Variants in POM121C observed in about 807,000 individuals in gnomAD.
POM121C encodes POM121 transmembrane nucleoporin C.
POM121C carries 20 observed loss-of-function variants against 66.4 expected under a neutral mutation model. That is an observed-to-expected ratio of 0.30 (90% CI 0.21 to 0.44). The LOEUF (loss-of-function observed/expected upper bound fraction) is 0.44, where lower values mean the gene tolerates loss of function less well. POM121C is among the 20% of genes least tolerant of loss of function. POM121C has a pLI of 1.00. For missense variants in POM121C, 580 were observed against 1,225.7 expected, an observed-to-expected ratio of 0.47 and a Z score of 7.87; for synonymous variants, 286 against 528.0, an observed-to-expected ratio of 0.54 and a Z score of 6.28.
chr7:75,479,866 AGT>A (rs1297211254), intron 1 of POM121C, among the ~76,000 whole-genome samples: 10 of 152,190 alleles, frequency 6.6e-5, no homozygotes, highest in Non-Finnish European at 1.2e-4. Context: ...ATAACAAAAC[AGT>A]GTGATAGCTA....
In POM121C at chr7:75,437,656, A is replaced by G; in HGVS notation, c.339T>C (p.Ser113=). 10 of 1,612,876 alleles carry G rather than the reference A, an allele frequency of 6.2e-6. No individual in the cohort carries two copies. The highest frequency in any genetic ancestry group is 8.5e-6 in the Non-Finnish European group (10 of 1,179,218). Residue 113 remains serine (S), a synonymous_variant, in exon 7 of 15, where the codon TCT becomes TCC. Coordinates refer to ENST00000615331, the MANE Select transcript of POM121C (RefSeq NM_001099415.3). ...KPGSLKRGLN[S]QSSDDHLNKR... The stretch of plus-strand genomic sequence containing the variant: ...TATTCAAGTGGTCATCTGAGCTCTG[A>G]GAATTGAGGCCTCTCTTCAGAGACC...
At chr7:75,419,767 G>A (rs1314644597) in intron 13 of POM121C, 1 of 326,658 alleles carries the variant, frequency 3.1e-6, no homozygotes, top group African/African-American at 2.2e-5. Context: ...TACCTGGGTT[G>A]GCTACCTCCT....
At chr7:75,479,304 C>T (rs1188442294) in intron 1 of POM121C, among the ~76,000 whole-genome samples, 1 of 152,098 alleles carries the variant, frequency 6.6e-6, no homozygotes, top group African/African-American at 2.4e-5. Flanking sequence ...TATTTTCTCT[C>T]ATTACTTAAA....
intron 3 of POM121C, among the ~76,000 whole-genome samples, chr7:75,451,260 A>G (rs1791012045): frequency 6.6e-6 from 1 of 151,388 alleles, no homozygotes; most frequent in African/African-American, 2.4e-5. Flanking sequence ...GCATAACGCT[A>G]CCTGACTTCA....
intron 1 of POM121C, among the ~76,000 whole-genome samples, chr7:75,477,431 A>C (rs1393841861): frequency 1.3e-5 from 2 of 152,048 alleles, no homozygotes; most frequent in African/African-American, 2.4e-5. Flanking sequence ...AAAAATCCAA[A>C]AACAACAACA....
intron 3 of POM121C, among the ~76,000 whole-genome samples, chr7:75,452,232 C>T (rs1339965499): frequency 1.2e-4 from 18 of 151,204 alleles, no homozygotes; most frequent in East Asian, 3.9e-4. Context: ...CCAAGGCAGG[C>T]GGATCACCTG....
chr7:75,448,365 T>C (rs1315363281), intron 3 of POM121C, among the ~76,000 whole-genome samples: 10 of 152,172 alleles, frequency 6.6e-5, no homozygotes, highest in African/African-American at 2.2e-4. Context: ...ATGAAAGGCA[T>C]TGAAAATGGT....
At chr7:75,437,954 C>T (rs879977061) in intron 6 of POM121C, among the ~76,000 whole-genome samples, 2 of 152,004 alleles carry the variant, frequency 1.3e-5, no homozygotes, top group African/African-American at 4.8e-5. Flanking sequence ...CCTGGGGACA[C>T]GGGTGGAACT....
intron 13 of POM121C, chr7:75,421,160 G>A (rs1488307006): frequency 7.1e-6 from 3 of 420,808 alleles, no homozygotes; most frequent in Non-Finnish European, 1.2e-5. Context: ...ATTTTTAGTA[G>A]AGACAGGGTT....
chr7:75,419,701 G>A (rs1450506692), intron 13 of POM121C: 31 of 491,054 alleles, frequency 6.3e-5, no homozygotes, highest in Non-Finnish European at 1.0e-4. Flanking sequence ...GCCACCTCGT[G>A]GGCCTCCTGA....
intron 1 of POM121C, among the ~76,000 whole-genome samples, chr7:75,477,287 G>C (rs1792126628): frequency 6.6e-6 from 1 of 152,070 alleles, no homozygotes; most frequent in Non-Finnish European, 1.5e-5. Context: ...ATATAACTAA[G>C]AAAAAGTAAA....
chr7:75,450,699 T>C (rs1415934205), intron 3 of POM121C, among the ~76,000 whole-genome samples: 3 of 152,228 alleles, frequency 2.0e-5, no homozygotes, highest in South Asian at 2.1e-4. Flanking sequence ...TTTGCACAAA[T>C]AGTTTGGAAG....
intron 3 of POM121C, chr7:75,442,689 C>T: frequency 7.1e-7 from 1 of 1,410,412 alleles, no homozygotes; most frequent in Non-Finnish European, 9.2e-7. Context: ...CGCCGCTCGC[C>T]TGCTCCAGCC....
intron 3 of POM121C, among the ~76,000 whole-genome samples, chr7:75,461,768 T>G (rs1554477048): frequency 1.3e-5 from 2 of 152,044 alleles, no homozygotes; most frequent in African/African-American, 4.8e-5. Context: ...GTTCTGTGAC[T>G]GTAAAATAAT....
intron 1 of POM121C, among the ~76,000 whole-genome samples, chr7:75,483,470 C>T (rs587736049): frequency 6.6e-6 from 1 of 152,312 alleles, no homozygotes; most frequent in Non-Finnish European, 1.5e-5. Context: ...GATGCACCCA[C>T]TTTCCCTTCA....
intron 1 of POM121C, chr7:75,484,368 C>A: frequency 1.6e-6 from 1 of 626,622 alleles, no homozygotes; most frequent in Non-Finnish European, 2.9e-6. Flanking sequence ...ACCCTGTGAA[C>A]ACTCAACCTG....
At chr7:75,454,673 A>C (rs1429916597) in intron 3 of POM121C, among the ~76,000 whole-genome samples, 5 of 152,282 alleles carry the variant, frequency 3.3e-5, no homozygotes, top group African/African-American at 7.2e-5. Context: ...CAATCTGCCC[A>C]ATCTTATCCA....
At chr7:75,467,531 CAAAAAAAAAA>C (rs58341825) in intron 3 of POM121C, among the ~76,000 whole-genome samples, 1 of 65,386 alleles carries the variant, frequency 1.5e-5, no homozygotes, top group Non-Finnish European at 2.7e-5. Flanking sequence ...GATTCTGTCT[CAAAAAAAAAA>C]AAAAAAAAAA....
chr7:75,438,226 A>G (rs1191777328), intron 6 of POM121C, among the ~76,000 whole-genome samples: 1 of 152,230 alleles, frequency 6.6e-6, no homozygotes, highest in Non-Finnish European at 1.5e-5. Context: ...GTTACAATAT[A>G]GACAACGCTC....
Sources: allele counts gnomAD v4.1 joint callset (sites outside exome capture counted in the v4.1 genomes callset), GRCh38; gene constraint gnomAD v4.1.1; transcripts MANE v1.5; gene names NCBI Gene and HGNC (gene_info 2026-07-23, HGNC 2026-07-21).